Variants in BRWD1 observed in about 807,000 individuals in gnomAD.
The protein encoded by BRWD1 is bromodomain and WD repeat domain containing 1, also known as bromodomain and WD repeat-containing protein 1.
Under a neutral mutation model 251.2 loss-of-function variants are expected in BRWD1, and 82 were observed. The observed-to-expected ratio is 0.33, with a 90% CI of 0.27 to 0.39. The LOEUF (loss-of-function observed/expected upper bound fraction) is 0.39, where lower values mean the gene tolerates loss of function less well. BRWD1 is among the 10% of genes least tolerant of loss of function. The probability of loss-of-function intolerance (pLI) is 1.00; values close to 1 mark genes in which losing one functional copy is unlikely to be tolerated. For synonymous variants in BRWD1, 918 were observed against 902.8 expected (o/e 1.02, Z -0.30); for missense variants, 2,233 against 2,711.6 (o/e 0.82, Z 3.92).
At chr21:39,301,978 G>GTTTTTTTTTTTTTTTTTT (rs750413248) in intron 4 of BRWD1, among the ~76,000 whole-genome samples, 1 of 79,866 alleles carries the variant, frequency 1.3e-5, no homozygotes, top group Non-Finnish European at 2.2e-5. Flanking sequence ...AGCTTTGTGT[G>GTTTTTTTTTTTTTTTTTT]TTTTTTTTTT....
At chr21:39,256,253 T>TC (rs2034559031) in intron 18 of BRWD1, among the ~76,000 whole-genome samples, 1 of 152,206 alleles carries the variant, frequency 6.6e-6, no homozygotes, top group Non-Finnish European at 1.5e-5. Context: ...ATATATGCAT[T>TC]CCTAAAAACT....
chr21:39,228,050 G>C (rs1206049567), intron 27 of BRWD1, among the ~76,000 whole-genome samples: 4 of 152,170 alleles, frequency 2.6e-5, no homozygotes, highest in Non-Finnish European at 5.9e-5. Context: ...AGCAGTTTGG[G>C]AGGCAGAGGT....
rs1458845817 is a variant in BRWD1, at chr21:39,280,256, G to A, written c.832-8C>T. Reference sequence around the variant, plus strand: ...TTTGGCCATCGGGCTAAACTAAAAAGTAAAACATATACAATTCAGTTTCCA... The same window carrying A: ...TTTGGCCATCGGGCTAAACTAAAAAATAAAACATATACAATTCAGTTTCCA... On this transcript the variant is annotated splice_region_variant and splice_polypyrimidine_tract_variant and intron_variant, in intron 8 of 40. Coordinates refer to ENST00000342449, the MANE Select transcript of BRWD1 (RefSeq NM_033656.4). 2 of 1,587,254 alleles carry A rather than the reference G, an allele frequency of 1.3e-6. No homozygotes were observed. Among genetic ancestry groups the A allele is most frequent in the African/African-American group, 1.4e-5 (1 of 73,668 alleles).
At chr21:39,200,427 G>A (rs756252130) in intron 38 of BRWD1, 41 bp from the exon 39 acceptor site, 2 of 1,542,148 alleles carry the variant, frequency 1.3e-6, no homozygotes, top group African/African-American at 1.4e-5. Flanking sequence ...ATATTCTCCT[G>A]TCTTTACACA....
intron 31 of BRWD1, 121 bp from the exon 32 acceptor site, chr21:39,215,483 T>C (rs1412987653): frequency 2.4e-6 from 2 of 826,310 alleles, no homozygotes; most frequent in Non-Finnish European, 3.8e-6. Context: ...TGCAAAGTTA[T>C]AATGAATAAC....
intron 2 of BRWD1, 47 bp from the exon 3 acceptor site, chr21:39,313,148 G>A (rs947344231): frequency 2.7e-6 from 4 of 1,493,186 alleles, no homozygotes; most frequent in Non-Finnish European, 1.8e-6. Context: ...GGCCCGGGGC[G>A]CTCCCGTTTC....
intron 19 of BRWD1, among the ~76,000 whole-genome samples, chr21:39,254,645 T>C (rs1283258518): frequency 6.6e-6 from 1 of 152,246 alleles, no homozygotes; most frequent in African/African-American, 2.4e-5. Context: ...ACTTTGCTAC[T>C]TGAAAACTAA....
Position 39,188,072 on chromosome 21 carries a change from C to G in BRWD1, c.*8187G>C. ...GCCACATGATGCCAGAGCTACTACTCCGTGCTGACCAAACTTAGGAGGGCT... is the reference window on the plus strand; with the variant it reads ...GCCACATGATGCCAGAGCTACTACTGCGTGCTGACCAAACTTAGGAGGGCT... On this transcript the variant is annotated 3_prime_UTR_variant, in exon 41 of 41. Transcript: ENST00000342449. 1.0e-6 allele frequency: 1 copy of G among 985,416 alleles called. No individual in the cohort carries two copies. Among genetic ancestry groups the G allele is most frequent in the Non-Finnish European group, 1.2e-6 (1 of 829,910 alleles). The allele number at this position is 985,416 out of a possible 1,614,324, so 61.0% of individuals were successfully genotyped here.
chr21:39,296,962 T>G, intron 5 of BRWD1: 4 of 985,114 alleles, frequency 4.1e-6, no homozygotes, highest in Non-Finnish European at 4.8e-6. Context: ...CTACCATGAC[T>G]TTAGTCTCTA....
At position 39,188,990 on chromosome 21, in the gene BRWD1, T is replaced by G. The variant is rs528697889; in HGVS notation, c.*7269A>C. On this transcript the variant is annotated 3_prime_UTR_variant, in exon 41 of 41. Coordinates refer to ENST00000342449, the MANE Select transcript of BRWD1 (RefSeq NM_033656.4). ...GGACTCTGTGGGAAGAGAAGTGGCT[T>G]AAAGTGCACTGTGTTTACCACTTCA... is the stretch of plus-strand genomic sequence containing the variant. 2.0e-6 allele frequency: 2 copies of G among 985,404 alleles called. No individual in the cohort carries two copies. Among genetic ancestry groups the G allele is most frequent in the East Asian group, 1.1e-4 (1 of 8,810 alleles). 61.0% of individuals were successfully genotyped at this position (985,404 alleles called of 1,614,324 possible). A position where few individuals can be genotyped will look rare whatever the true frequency, so the allele number is the denominator to read the frequency against.
At chr21:39,240,192 G>A (rs1388309288) in intron 21 of BRWD1, among the ~76,000 whole-genome samples, 1 of 152,206 alleles carries the variant, frequency 6.6e-6, no homozygotes, top group East Asian at 1.9e-4. Flanking sequence ...ATTCTACAAA[G>A]ATAAAACTAT....
In BRWD1 at chr21:39,216,157, T is replaced by C. The variant is rs182841081; in HGVS notation, c.3660-795A>G. Among the ~76,000 whole-genome samples the C allele has an allele frequency of 2.6e-4, 39 of 152,300 alleles. 1 individual carries two copies. The highest frequency in any genetic ancestry group is 9.1e-4 in the African/African-American group (38 of 41,564). On this transcript the variant is annotated intron_variant, in intron 31 of 40. Coordinates refer to ENST00000342449, the MANE Select transcript of BRWD1 (RefSeq NM_033656.4). ...GACTTTTTATAATTTCTTAAAGTAG[T>C]TGAATTATAAAAGTTAAAATACAAT...
In BRWD1 at chr21:39,191,830, A is replaced by T; in HGVS notation, c.*4429T>A. ...TCTTTGGCAGTCTAAAATCTCATTT[A>T]AGGGCTTTAATAAATGAAAAAACTT... On this transcript the variant is annotated 3_prime_UTR_variant, in exon 41 of 41. Coordinates refer to ENST00000342449, the MANE Select transcript of BRWD1 (RefSeq NM_033656.4). The T allele has an allele frequency of 4.1e-6, 4 of 985,084 alleles. No individual in the cohort carries two copies. The highest frequency in any genetic ancestry group is 4.8e-6 in the Non-Finnish European group (4 of 829,652). The allele number at this position is 985,084 out of a possible 1,614,324, so 61.0% of individuals were successfully genotyped here. A position where few individuals can be genotyped will look rare whatever the true frequency, so the allele number is the denominator to read the frequency against.
intron 15 of BRWD1, 85 bp from the exon 16 acceptor site, chr21:39,265,104 G>T: frequency 4.5e-6 from 6 of 1,319,362 alleles, no homozygotes; most frequent in Admixed American, 2.5e-5. Flanking sequence ...GATAACCTGT[G>T]ACAATATATC....
At chr21:39,212,973 G>A (rs1267895486) in intron 33 of BRWD1, among the ~76,000 whole-genome samples, 2 of 151,950 alleles carry the variant, frequency 1.3e-5, no homozygotes, top group Non-Finnish European at 2.9e-5. Flanking sequence ...GACGCTTCAT[G>A]CATTTCCTAA....
chr21:39,204,779 G>A (rs886139612), intron 37 of BRWD1, among the ~76,000 whole-genome samples: 1 of 152,158 alleles, frequency 6.6e-6, no homozygotes, highest in African/African-American at 2.4e-5. Context: ...ATCCTCATAA[G>A]GAGCACACAA....
intron 21 of BRWD1, among the ~76,000 whole-genome samples, chr21:39,243,332 G>A (rs981599490): frequency 1.3e-5 from 2 of 152,158 alleles, no homozygotes; most frequent in African/African-American, 4.8e-5. Context: ...ACAACAAAAT[G>A]TAACACGTGA....
At position 39,235,094 on chromosome 21, in the gene BRWD1, C is replaced by T. The variant is rs546875428; in HGVS notation, c.2766+1501G>A. 2.1e-3 allele frequency among the ~76,000 whole-genome samples: 321 copies of T among 152,094 alleles called. 1 individual carries two copies. The highest frequency in any genetic ancestry group is 7.1e-3 in the African/African-American group (295 of 41,492). On this transcript the variant is annotated intron_variant, in intron 23 of 40. Coordinates refer to ENST00000342449, the MANE Select transcript of BRWD1 (RefSeq NM_033656.4). ...CAAAACCATGTCTCTACTAAAAATA[C>T]GAAACTTAGCCAGGCGTGGTTGCGT...
Position 39,206,179 on chromosome 21 carries a change from T to G in BRWD1, c.4293A>C (p.Lys1431Asn), listed in dbSNP as rs763855181. 1.2e-6 allele frequency: 2 copies of G among 1,613,746 alleles called. No homozygotes were observed. The highest frequency in any genetic ancestry group is 1.1e-5 in the South Asian group (1 of 90,934). Residue 1431 changes from lysine (K) to asparagine (N), a missense_variant, in exon 37 of 41, where the codon AAA becomes AAC. Lys to Asn is a moderately conservative substitution (Grantham distance 94). This residue lies in a region of BRWD1 where 928 missense variants were observed against 970.0 expected (regional missense o/e 0.96). Transcript: ENST00000342449. ...GCTTGAACCTCTGGCTTCTTCGAAG[T>G]TTTTCATTGAATTTTTGACCAATTT... ...DFKIGQKFNEKLRRSQRFKQR... is the reference protein window; with the variant it reads ...DFKIGQKFNENLRRSQRFKQR...
Sources: gnomAD v4.1 joint callset for allele counts (sites outside exome capture counted in the v4.1 genomes callset) on GRCh38, gnomAD v4.1.1 for gene constraint, gnomAD v4.1.1 regional missense constraint, MANE v1.5 for transcripts, NCBI Gene and HGNC (gene_info 2026-07-23, HGNC 2026-07-21) for gene names.